SLC26A5: variants seen among roughly 807,000 people sequenced by gnomAD.
The protein encoded by SLC26A5 is solute carrier family 26 member 5, also known as prestin.
Under a neutral mutation model 81.0 loss-of-function variants are expected in SLC26A5, and 51 were observed. That is an observed-to-expected ratio of 0.63 (90% CI 0.50 to 0.80). SLC26A5 has a LOEUF of 0.80. Among genes scored for constraint, SLC26A5 ranks in the 30% least tolerant of loss-of-function variants. SLC26A5 has a pLI of 0.00. For missense variants in SLC26A5, 771 were observed against 905.8 expected (o/e 0.85, Z 1.91); for synonymous variants, 325 against 332.8 (o/e 0.98, Z 0.25).
Position 103,365,747 on chromosome 7 carries a change from C to T in SLC26A5, c.2041+11061G>A, listed in dbSNP as rs537586314. ...GTTCAATGCCAGCCTGGCCAAGATG[C>T]TGAAACCCCGTCTCTACTAAAAATA... On this transcript the variant is annotated intron_variant, in intron 19 of 19. Coordinates refer to the SLC26A5 transcript ENST00000339444. Among the ~76,000 whole-genome samples the T allele has an allele frequency of 9.2e-5, 14 of 152,060 alleles. No homozygotes were observed. In the East Asian group the frequency reaches 2.5e-3, roughly 27 times the overall value.
At chr7:103,354,424 A>C (rs1290000629) in intron 19 of SLC26A5, among the ~76,000 whole-genome samples, 1 of 146,644 alleles carries the variant, frequency 6.8e-6, no homozygotes, top group Non-Finnish European at 1.5e-5. Flanking sequence ...GCTGGAGTGC[A>C]ATGGCGCGAT....
chr7:103,358,644 C>T (rs368287013), intron 19 of SLC26A5, among the ~76,000 whole-genome samples: 1 of 151,640 alleles, frequency 6.6e-6, no homozygotes, highest in Admixed American at 6.6e-5. Flanking sequence ...TTTCAAGGCT[C>T]TTATCTTTAT....
rs368311479 is a variant in SLC26A5 at position 103,443,915 on chromosome 7, CTTT to C, written c.-182-707_-182-705del. On this transcript the variant is annotated intron_variant, in intron 1 of 19. Transcript: ENST00000306312. ...GTGTACAAGATTTTGAATGGGTGAG[CTTT>C]TTTATTTTTTTTCTGGGGTAAGTCC... Among the ~76,000 whole-genome samples the C allele has an allele frequency of 7.2e-3, 1,089 of 152,240 alleles. 10 individuals carry two copies. The highest frequency in any genetic ancestry group is 0.025 in the African/African-American group (1,047 of 41,540).
Position 103,369,124 on chromosome 7 carries a change from CT to C in SLC26A5, c.2041+7683del, listed in dbSNP as rs1820879740. ...GAAAAAGTTGACAACATAGAAAATG[CT>C]GCTTTGCACTGAAATACTTAAAATT... On this transcript the variant is annotated intron_variant, in intron 19 of 19. Transcript: ENST00000339444. The C allele has an allele frequency of 2.0e-5, 3 of 152,244 alleles. No homozygotes were observed. The South Asian group carries it at 6.2e-4, about 32-fold the overall frequency. The allele number at this position is 152,244 out of a possible 1,614,324, so 9.4% of individuals were successfully genotyped here. A position where few individuals can be genotyped will look rare whatever the true frequency, so the allele number is the denominator to read the frequency against.
At chr7:103,385,303 C>T (rs1234112182) in intron 14 of SLC26A5, among the ~76,000 whole-genome samples, 4 of 152,130 alleles carry the variant, frequency 2.6e-5, no homozygotes, top group African/African-American at 7.2e-5. Flanking sequence ...GCTGGAACTA[C>T]AGGCGCCCGC....
intron 14 of SLC26A5, among the ~76,000 whole-genome samples, chr7:103,381,040 T>C (rs931394559): frequency 4.0e-5 from 6 of 148,312 alleles, no homozygotes; most frequent in Non-Finnish European, 9.0e-5. Flanking sequence ...ACACCATACA[T>C]ACATACCTCA....
chr7:103,415,767 G>A (rs545160127), intron 4 of SLC26A5, among the ~76,000 whole-genome samples: 2 of 152,054 alleles, frequency 1.3e-5, no homozygotes, highest in Non-Finnish European at 2.9e-5. Context: ...TTTTACTATG[G>A]TGTGCCTTGT....
At chr7:103,389,212 T>G in intron 13 of SLC26A5, 98 bp from the exon 14 acceptor site, 1 of 1,202,888 alleles carries the variant, frequency 8.3e-7, no homozygotes, top group Non-Finnish European at 1.2e-6. Context: ...ACTTTTACCT[T>G]GTCTAACTGG....
intron 19 of SLC26A5, chr7:103,355,899 A>T: frequency 1.3e-6 from 1 of 752,694 alleles, no homozygotes; most frequent in Non-Finnish European, 2.0e-6. Context: ...TTTGATTCCA[A>T]ATTCCAAGTA....
intron 4 of SLC26A5, among the ~76,000 whole-genome samples, chr7:103,413,902 C>G (rs1360355364): frequency 6.6e-6 from 1 of 150,908 alleles, no homozygotes; most frequent in Admixed American, 6.6e-5. Flanking sequence ...CAGCCTCCCC[C>G]ACTATCAACA....
intron 8 of SLC26A5, among the ~76,000 whole-genome samples, chr7:103,400,969 T>C (rs555413091): frequency 1.3e-5 from 2 of 152,324 alleles, no homozygotes; most frequent in Non-Finnish European, 2.9e-5. Flanking sequence ...TGTAGCCTTG[T>C]AGTATAGTTT....
intron 18 of SLC26A5, 77 bp downstream of exon 18, chr7:103,377,522 G>A (rs989073094): frequency 6.7e-6 from 9 of 1,338,788 alleles, no homozygotes; most frequent in Non-Finnish European, 9.7e-6. Context: ...AGAGAGCCTA[G>A]CCCACCTCCC....
intron 14 of SLC26A5, among the ~76,000 whole-genome samples, chr7:103,387,673 C>A (rs1258381452): frequency 1.3e-5 from 2 of 152,114 alleles, no homozygotes; most frequent in African/African-American, 4.8e-5. Context: ...CAGGCTATTT[C>A]TTTATTTTAT....
intron 2 of SLC26A5, among the ~76,000 whole-genome samples, chr7:103,430,238 C>G (rs551361446): frequency 4.1e-4 from 63 of 152,192 alleles, no homozygotes; most frequent in African/African-American, 1.5e-3. Context: ...GCCACCATAC[C>G]TGGCTAATTT....
chr7:103,392,010 T>TA (rs1370998973), intron 10 of SLC26A5, among the ~76,000 whole-genome samples: 2 of 152,188 alleles, frequency 1.3e-5, no homozygotes, highest in African/African-American at 4.8e-5. Flanking sequence ...AAATAACGCT[T>TA]AAGAAGAAAA....
chr7:103,397,701 A>G (rs1823246752), intron 9 of SLC26A5, among the ~76,000 whole-genome samples: 1 of 145,426 alleles, frequency 6.9e-6, no homozygotes, highest in Non-Finnish European at 1.5e-5. Flanking sequence ...CAGGCGACAG[A>G]GTGAGACTTC....
At chr7:103,386,461 G>A (rs1399007096) in intron 14 of SLC26A5, among the ~76,000 whole-genome samples, 1 of 151,868 alleles carries the variant, frequency 6.6e-6, no homozygotes, top group Non-Finnish European at 1.5e-5. Context: ...CAGCTACTCA[G>A]GAGGCTGAGG....
At chr7:103,392,095 T>C (rs1822708709) in intron 10 of SLC26A5, among the ~76,000 whole-genome samples, 1 of 152,240 alleles carries the variant, frequency 6.6e-6, no homozygotes, top group South Asian at 2.1e-4. Flanking sequence ...GGCATCTTTT[T>C]AATGCCTGGG....
intron 2 of SLC26A5, among the ~76,000 whole-genome samples, chr7:103,440,641 G>A (rs1019189002): frequency 3.3e-5 from 5 of 152,116 alleles, no homozygotes; most frequent in African/African-American, 9.7e-5. Context: ...TGGGAACAAC[G>A]ATCAGCAATA....
Sources: gnomAD v4.1 joint callset for allele counts (sites outside exome capture counted in the v4.1 genomes callset) on GRCh38, gnomAD v4.1.1 for gene constraint, MANE v1.5 for transcripts, NCBI Gene and HGNC (gene_info 2026-07-23, HGNC 2026-07-21) for gene names.